The following NPHP4 variants were observed in gnomAD, a reference collection of about 807,000 sequenced individuals.
The protein encoded by NPHP4 is nephrocystin 4, also known as nephrocystin-4.
NPHP4 carries 151 observed loss-of-function variants against 155.8 expected under a neutral mutation model. The ratio of observed to expected loss-of-function variants is 0.97; its 90% CI spans 0.85 to 1.11. The LOEUF is 1.11. Ranked by LOEUF, NPHP4 falls within the 50% of genes least tolerant of loss-of-function variation. The pLI is 0.00. For synonymous variants in NPHP4, 845 were observed against 816.8 expected (o/e 1.03, Z -0.59); for missense variants, 1,956 against 1,925.7 (o/e 1.02, Z -0.29).
intron 16 of NPHP4, among the ~76,000 whole-genome samples, chr1:5,904,286 G>A (rs1355413684): frequency 6.6e-6 from 1 of 152,166 alleles, no homozygotes; most frequent in Non-Finnish European, 1.5e-5. Context: ...GATATTAGGA[G>A]TTATTATTTT....
At chr1:5,976,756 C>T (rs1653663810) in intron 3 of NPHP4, among the ~76,000 whole-genome samples, 2 of 152,172 alleles carry the variant, frequency 1.3e-5, no homozygotes, top group African/African-American at 4.8e-5. Flanking sequence ...CCTCTACTAC[C>T]CATGGGAGGA....
chr1:5,887,340 T>G lies in NPHP4; in HGVS notation c.2431A>C (p.Ile811Leu), dbSNP rs759757600. 2.5e-6 allele frequency: 4 copies of G among 1,613,452 alleles called. No individual in the cohort carries two copies. Among genetic ancestry groups the G allele is most frequent in the Non-Finnish European group, 3.4e-6 (4 of 1,179,884 alleles). The stretch of plus-strand genomic sequence containing the variant: ...CCCTTCACCACCGAGTGGACGCCGA[T>G]GGGCTTGACGCGGCCAAACCCCAGC... ...DMLGFGRVKP[I>L]GVHSVVKGRL... is the part of the protein sequence containing the mutation. The change falls in exon 18 of 30, where the codon ATC becomes CTC. Residue 811 changes from isoleucine to leucine, a missense_variant. By Grantham distance (5) the Ile-to-Leu change is conservative. Coordinates refer to ENST00000378156, the MANE Select transcript of NPHP4 (RefSeq NM_015102.5).
At chr1:5,893,059 G>A (rs549485733) in intron 16 of NPHP4, among the ~76,000 whole-genome samples, 1 of 152,328 alleles carries the variant, frequency 6.6e-6, no homozygotes, top group South Asian at 2.1e-4. Flanking sequence ...TGGCAGGGGT[G>A]TGGGGTGCAG....
intron 28 of NPHP4, 133 bp downstream of exon 28, chr1:5,864,205 A>G (rs1041268563): frequency 1.8e-6 from 2 of 1,123,014 alleles, no homozygotes; most frequent in African/African-American, 1.6e-5. Flanking sequence ...AGGAGCAAAC[A>G]CTCATGCACC....
chr1:5,916,727 A>C lies in NPHP4; in HGVS notation c.1442-7514T>G, dbSNP rs148881941. ...GCTCTGCATCTTAAGAAGTCAAGCTAGGCCGGGTGCAGTGGCTCATGCCTG... is the reference window on the plus strand; with the variant it reads ...GCTCTGCATCTTAAGAAGTCAAGCTCGGCCGGGTGCAGTGGCTCATGCCTG... On this transcript the variant is annotated intron_variant, in intron 11 of 29. Transcript: ENST00000378156. Among the ~76,000 whole-genome samples the C allele has an allele frequency of 3.9e-3, 588 of 152,348 alleles. 4 individuals carry two copies. Among genetic ancestry groups the C allele is most frequent in the African/African-American group, 0.014 (564 of 41,588 alleles).
intron 19 of NPHP4, among the ~76,000 whole-genome samples, chr1:5,878,465 A>G (rs1453064110): frequency 6.6e-6 from 1 of 152,222 alleles, no homozygotes; most frequent in East Asian, 1.9e-4. Context: ...AAGTTTTCAG[A>G]TTGCATCACC....
At chr1:5,916,600 C>T (rs1245559253) in intron 11 of NPHP4, among the ~76,000 whole-genome samples, 1 of 152,224 alleles carries the variant, frequency 6.6e-6, no homozygotes, top group African/African-American at 2.4e-5. Flanking sequence ...ATTTGCACCA[C>T]CGTTCAACTC....
intron 6 of NPHP4, 128 bp from the exon 7 acceptor site, chr1:5,952,964 G>C (rs1409303099): frequency 1.3e-6 from 1 of 772,790 alleles, no homozygotes; most frequent in African/African-American, 1.8e-5. Flanking sequence ...GGGACTCCCA[G>C]ACAGAGCACA....
chr1:5,959,334 C>T (rs376386445), intron 6 of NPHP4, among the ~76,000 whole-genome samples: 7 of 152,222 alleles, frequency 4.6e-5, no homozygotes, highest in African/African-American at 9.7e-5. Flanking sequence ...AGACCTCTTC[C>T]GAAGCATGGC....
chr1:5,937,153 G>A (rs890349351), intron 9 of NPHP4, among the ~76,000 whole-genome samples: 4 of 152,098 alleles, frequency 2.6e-5, no homozygotes, highest in Admixed American at 6.5e-5. Context: ...AGCTCGGCCC[G>A]CCACACCTGA....
chr1:5,879,520 C>T (rs189214844), intron 19 of NPHP4: 4 of 519,010 alleles, frequency 7.7e-6, no homozygotes, highest in Non-Finnish European at 1.5e-5. Flanking sequence ...CTATGTTCCT[C>T]CTGACCTTCT....
intron 9 of NPHP4, among the ~76,000 whole-genome samples, chr1:5,938,828 A>T (rs932261981): frequency 6.6e-6 from 1 of 152,240 alleles, no homozygotes; most frequent in South Asian, 2.1e-4. Context: ...GAATCATCAG[A>T]ATCGGCTATT....
chr1:5,869,102 C>T (rs938391779), intron 23 of NPHP4, among the ~76,000 whole-genome samples: 3 of 138,216 alleles, frequency 2.2e-5, no homozygotes, highest in African/African-American at 7.8e-5. Context: ...TGCACACATG[C>T]ATGCACCCAC....
chr1:5,966,339 G>C (rs941707320), intron 5 of NPHP4, among the ~76,000 whole-genome samples: 1 of 152,126 alleles, frequency 6.6e-6, no homozygotes, highest in Non-Finnish European at 1.5e-5. Flanking sequence ...TCTGCCTCCT[G>C]GGGTGAAGTG....
chr1:5,867,759 C>G lies in NPHP4; in HGVS notation c.3453G>C (p.Pro1151=), dbSNP rs527773699. The change falls in exon 24 of 30, where the codon CCG becomes CCC. Residue 1151 remains proline (P), a synonymous_variant. Transcript: ENST00000378156. This position sits in a 1 kb window ranked among gnomAD's most constrained non-coding sequence, Gnocchi z 4.1. Reference sequence around the variant, plus strand: ...ACCTGCCTGGAAATGTGTGCCAGGGCGGCAGGCGGATGGCCTTCTTCAGGA... The same window carrying G: ...ACCTGCCTGGAAATGTGTGCCAGGGGGGCAGGCGGATGGCCTTCTTCAGGA... The part of the protein sequence containing the change: ...LSFLKKAIRL[P]PWHTFPGAPV... The G allele has an allele frequency of 6.2e-7, 1 of 1,610,656 alleles. No individual in the cohort carries two copies. The highest frequency in any genetic ancestry group is 8.5e-7 in the Non-Finnish European group (1 of 1,179,828).
chr1:5,964,941 A>ATATATATATTTTTTTTTTTTTT, intron 5 of NPHP4, among the ~76,000 whole-genome samples: 4 of 59,410 alleles, frequency 6.7e-5, no homozygotes, highest in African/African-American at 3.4e-4. Flanking sequence ...ATATATATAT[A>ATATATATATTTTTTTTTTTTTT]TTTTTTTTTT....
chr1:5,913,509 T>A (rs1369839241), intron 11 of NPHP4, among the ~76,000 whole-genome samples: 1 of 152,250 alleles, frequency 6.6e-6, no homozygotes, highest in Non-Finnish European at 1.5e-5. Context: ...TTTCTGTCAA[T>A]TTAGCTTCAA....
In NPHP4 at chr1:5,868,709, C is replaced by CCA. The variant is rs140817042; in HGVS notation, c.3316-815_3316-814dup. 5.1e-3 allele frequency among the ~76,000 whole-genome samples: 744 copies of CCA among 146,468 alleles called. 10 individuals carry two copies. Among genetic ancestry groups the CCA allele is most frequent in the African/African-American group, 0.017 (678 of 39,388 alleles). On this transcript the variant is annotated intron_variant, in intron 23 of 29. Transcript: ENST00000378156. ...GTACACATATACATGCACGCATGCC[C>CCA]CACACACACACATGCACGCCCACAT...
chr1:5,933,503 C>A (rs1293865201), intron 9 of NPHP4, among the ~76,000 whole-genome samples, 174 bp from the exon 10 acceptor site: 1 of 152,178 alleles, frequency 6.6e-6, no homozygotes, highest in Non-Finnish European at 1.5e-5. Flanking sequence ...ACATGGCATC[C>A]ACAGTGCAGA....
Sources: gnomAD v4.1 joint callset for allele counts (sites outside exome capture counted in the v4.1 genomes callset) on GRCh38, gnomAD v4.1.1 for gene constraint, Gnocchi (gnomAD v3.1) non-coding constraint, MANE v1.5 for transcripts, NCBI Gene and HGNC (gene_info 2026-07-23, HGNC 2026-07-21) for gene names.